CDH20: variants seen among roughly 807,000 people sequenced by gnomAD.
CDH20 encodes cadherin 20.
In CDH20, 29 loss-of-function variants were observed where a neutral mutation model predicts 74.2. The ratio of observed to expected loss-of-function variants is 0.39; its 90% CI spans 0.29 to 0.53. The LOEUF (loss-of-function observed/expected upper bound fraction) is 0.53. CDH20 is among the 20% of genes least tolerant of loss of function. CDH20 has a pLI of 0.69. For missense variants in CDH20, 988 were observed against 1,048.3 expected (o/e 0.94, Z 0.79); for synonymous variants, 469 against 405.4 (o/e 1.16, Z -1.88).
At chr18:61,358,498 C>T (rs1386673828) in intron 1 of CDH20, among the ~76,000 whole-genome samples, 6 of 152,024 alleles carry the variant, frequency 3.9e-5, no homozygotes, top group Non-Finnish European at 7.4e-5. Context: ...CTCTTCTACC[C>T]CTTGTATTTA....
intron 9 of CDH20, among the ~76,000 whole-genome samples, chr18:61,541,506 CAT>C (rs1465968502): frequency 6.6e-6 from 1 of 152,134 alleles, no homozygotes; most frequent in Non-Finnish European, 1.5e-5. Context: ...ATCAAACAAA[CAT>C]AGTCCCCATT....
intron 7 of CDH20, among the ~76,000 whole-genome samples, chr18:61,531,574 T>C: frequency 6.6e-6 from 1 of 152,248 alleles, no homozygotes; most frequent in East Asian, 1.9e-4. Flanking sequence ...ATCTAGTCCA[T>C]TTTAAATGAA....
intron 1 of CDH20, among the ~76,000 whole-genome samples, chr18:61,369,555 T>C (rs12456493): frequency 0.33 from 50,170 of 151,932 alleles, 8,476 homozygotes; most frequent in East Asian, 0.55. Context: ...CCAGGAGTCT[T>C]GTTACTGGGT....
intron 1 of CDH20, among the ~76,000 whole-genome samples, chr18:61,354,344 A>T (rs1910420114): frequency 6.6e-6 from 1 of 152,034 alleles, no homozygotes; most frequent in Non-Finnish European, 1.5e-5. Flanking sequence ...GTGGTGGCTC[A>T]CGCCTGTGGT....
At chr18:61,349,516 C>A (rs1179382030) in intron 1 of CDH20, among the ~76,000 whole-genome samples, 1 of 152,112 alleles carries the variant, frequency 6.6e-6, no homozygotes, top group Non-Finnish European at 1.5e-5. Context: ...TTTTGCCATG[C>A]AAAGAAGTAT....
At chr18:61,469,207 A>G (rs1352715002) in intron 1 of CDH20, among the ~76,000 whole-genome samples, 1 of 152,182 alleles carries the variant, frequency 6.6e-6, no homozygotes, top group African/African-American at 2.4e-5. Context: ...ACAACAACAA[A>G]TGAATAAAGC....
Position 61,417,578 on chromosome 18 carries a change from T to TAAAAAAAAAAAAAAAAAAAAAAAA in CDH20, c.-152-72820_-152-72797dup, listed in dbSNP as rs545256689. On this transcript the variant is annotated intron_variant, in intron 1 of 11. Coordinates refer to ENST00000262717, the MANE Select transcript of CDH20 (RefSeq NM_031891.4). ...TATGTTCTTACTCAGATGTGGGAGC[T>TAAAAAAAAAAAAAAAAAAAAAAAA]AAAAAAAAAAAAAAAAAAAAAAAAA... Among the ~76,000 whole-genome samples the TAAAAAAAAAAAAAAAAAAAAAAAA allele has an allele frequency of 4.5e-4, 28 of 62,344 alleles. 6 individuals are homozygous for TAAAAAAAAAAAAAAAAAAAAAAAA. Among genetic ancestry groups the TAAAAAAAAAAAAAAAAAAAAAAAA allele is most frequent in the African/African-American group, 2.0e-3 (25 of 12,556 alleles). 40.9% of individuals were successfully genotyped at this position (62,344 alleles called of 152,430 possible).
chr18:61,546,052 A>G (rs1221850052), intron 10 of CDH20, among the ~76,000 whole-genome samples: 1 of 152,228 alleles, frequency 6.6e-6, no homozygotes, highest in African/African-American at 2.4e-5. Flanking sequence ...AATGGAAAAA[A>G]TAAGTTAAAC....
At chr18:61,410,456 T>G (rs1027041625) in intron 1 of CDH20, among the ~76,000 whole-genome samples, 5 of 152,228 alleles carry the variant, frequency 3.3e-5, no homozygotes, top group Admixed American at 1.3e-4. Context: ...CTAGTGAAAC[T>G]GTAAATTAGG....
At chr18:61,456,369 A>G (rs970798849) in intron 1 of CDH20, among the ~76,000 whole-genome samples, 49 of 152,000 alleles carry the variant, frequency 3.2e-4, no homozygotes, top group African/African-American at 1.2e-3. Context: ...TTTTTTTGTC[A>G]TTGTTCCTGG....
intron 2 of CDH20, among the ~76,000 whole-genome samples, chr18:61,492,641 A>T (rs994899789): frequency 6.6e-6 from 1 of 152,116 alleles, no homozygotes; most frequent in East Asian, 1.9e-4. Context: ...CCTGTCAAGC[A>T]CTGCCTTTAC....
In CDH20 at chr18:61,553,546, A is replaced by G. The variant is rs578029366; in HGVS notation, c.1901-644A>G. 5.9e-5 allele frequency among the ~76,000 whole-genome samples: 9 copies of G among 152,296 alleles called. No homozygotes were observed. In the East Asian group the frequency reaches 1.7e-3, roughly 29 times the overall value. On this transcript the variant is annotated intron_variant, in intron 11 of 11. Transcript: ENST00000262717. ...TAAATACCCTTGGGTCCAGAAAGCC[A>G]CAACCACCTCTTTAATGAAAGGCTT...
intron 1 of CDH20, among the ~76,000 whole-genome samples, chr18:61,342,051 C>A (rs770809497): frequency 6.6e-6 from 1 of 152,122 alleles, no homozygotes; most frequent in Admixed American, 6.5e-5. Context: ...GGCAGCTCAG[C>A]ACAGAGGATA....
intron 1 of CDH20, among the ~76,000 whole-genome samples, chr18:61,376,201 C>A (rs1911224811): frequency 6.6e-6 from 1 of 151,896 alleles, no homozygotes; most frequent in Non-Finnish European, 1.5e-5. Flanking sequence ...ATGAAAGATA[C>A]AAAGCAGCAC....
Position 61,554,609 on chromosome 18 carries a change from T to C in CDH20, c.2320T>C (p.Phe774Leu), listed in dbSNP as rs747186677. ...GGCCACGTCGGACTCGGAACAGAGC[T>C]TCGACTTCCTGACGGACTGGGGGCC... is the stretch of plus-strand genomic sequence containing the variant. The part of the protein sequence containing the change: ...QSATSDSEQS[F>L]DFLTDWGPRF... The change falls in exon 12 of 12, where the codon TTC becomes CTC. Residue 774 changes from phenylalanine to leucine, a missense_variant. Physicochemically the swap from Phe to Leu is conservative, Grantham distance 22. Coordinates refer to ENST00000262717, the MANE Select transcript of CDH20 (RefSeq NM_031891.4). 1.2e-5 allele frequency: 19 copies of C among 1,608,106 alleles called. No individual in the cohort carries two copies. The East Asian group carries it at 3.6e-4, about 30-fold the overall frequency.
At chr18:61,409,708 T>C (rs1384463971) in intron 1 of CDH20, among the ~76,000 whole-genome samples, 2 of 152,060 alleles carry the variant, frequency 1.3e-5, no homozygotes, top group Non-Finnish European at 2.9e-5. Context: ...CTGTCCTGAG[T>C]CCTTAAGTAA....
intron 1 of CDH20, among the ~76,000 whole-genome samples, chr18:61,414,064 C>G (rs1456246804): frequency 2.6e-5 from 4 of 152,124 alleles, no homozygotes; most frequent in Non-Finnish European, 5.9e-5. Flanking sequence ...TCAAAATTGT[C>G]TTTTATTTGA....
chr18:61,364,753 G>A (rs1174039017), intron 1 of CDH20, among the ~76,000 whole-genome samples: 1 of 152,212 alleles, frequency 6.6e-6, no homozygotes, highest in Non-Finnish European at 1.5e-5. Flanking sequence ...AGCAGCCTGA[G>A]GCTTGGCCCA....
intron 1 of CDH20, among the ~76,000 whole-genome samples, chr18:61,445,413 A>G (rs1444208837): frequency 1.3e-5 from 2 of 152,168 alleles, no homozygotes; most frequent in East Asian, 3.8e-4. Flanking sequence ...CCAAAGCCTA[A>G]CCTCTAAGTT....
Sources: gnomAD v4.1 joint callset for allele counts (sites outside exome capture counted in the v4.1 genomes callset) on GRCh38, gnomAD v4.1.1 for gene constraint, MANE v1.5 for transcripts, NCBI Gene and HGNC (gene_info 2026-07-23, HGNC 2026-07-21) for gene names.